The following CADPS2 variants were observed in gnomAD, a reference collection of about 807,000 sequenced individuals.
The protein encoded by CADPS2 is calcium dependent secretion activator 2.
Under a neutral mutation model 172.5 loss-of-function variants are expected in CADPS2, and 93 were observed. That is an observed-to-expected ratio of 0.54 (90% CI 0.46 to 0.64). CADPS2 has a LOEUF of 0.64. Among genes scored for constraint, CADPS2 ranks in the 30% least tolerant of loss-of-function variants. The probability of loss-of-function intolerance (pLI) is 0.00; values close to 1 mark genes in which losing one functional copy is unlikely to be tolerated. For synonymous variants in CADPS2, 546 were observed against 555.2 expected (o/e 0.98, Z 0.23); for missense variants, 1,420 against 1,565.9 (o/e 0.91, Z 1.57).
chr7:122,799,827 A>G (rs1797215840), intron 1 of CADPS2, among the ~76,000 whole-genome samples: 1 of 152,124 alleles, frequency 6.6e-6, no homozygotes, highest in South Asian at 2.1e-4. Context: ...AGTTTGTTCA[A>G]TGTCTCATAT....
At chr7:122,833,546 G>GTTTGT (rs1340915196) in intron 1 of CADPS2, among the ~76,000 whole-genome samples, 4 of 151,328 alleles carry the variant, frequency 2.6e-5, no homozygotes, top group African/African-American at 7.3e-5. Flanking sequence ...TTTTTTGTTT[G>GTTTGT]TTTGTTTTGT....
chr7:122,635,397 T>G, intron 3 of CADPS2, among the ~76,000 whole-genome samples: 1 of 151,958 alleles, frequency 6.6e-6, no homozygotes. Context: ...TCATTTAGCA[T>G]TAGGTATATC....
chr7:122,471,240 C>CA, intron 14 of CADPS2, 135 bp downstream of exon 14: 2 of 642,032 alleles, frequency 3.1e-6, no homozygotes, highest in Admixed American at 3.8e-5. Flanking sequence ...TTTTCTCTGT[C>CA]GTTTTTTTTT....
At position 122,640,312 on chromosome 7, in the gene CADPS2, T is replaced by C. The variant is rs573681561; in HGVS notation, c.787-10984A>G. On this transcript the variant is annotated intron_variant, in intron 3 of 29. Coordinates refer to ENST00000449022, the MANE Select transcript of CADPS2 (RefSeq NM_017954.11). ...TTCCCTCTTCTGCACCCCCTCTCTT[T>C]CTTTGGGTGTGTGTGTACATTACAG... Among the ~76,000 whole-genome samples the C allele has an allele frequency of 1.0e-3, 153 of 152,286 alleles. 1 individual carries two copies. Among genetic ancestry groups the C allele is most frequent in the African/African-American group, 3.5e-3 (145 of 41,552 alleles).
At chr7:122,541,825 ATATATTCATATG>A (rs2063082136) in intron 8 of CADPS2, among the ~76,000 whole-genome samples, 2 of 117,290 alleles carry the variant, frequency 1.7e-5, no homozygotes, top group Admixed American at 8.9e-5. Context: ...TCATATGTTT[ATATATTCATATG>A]TTTATATATT....
At chr7:122,863,184 A>T (rs1303839604) in intron 1 of CADPS2, among the ~76,000 whole-genome samples, 1 of 152,212 alleles carries the variant, frequency 6.6e-6, no homozygotes, top group Non-Finnish European at 1.5e-5. Context: ...AAAAGTTGCT[A>T]ACAAGAAAAG....
chr7:122,617,798 CT>C, intron 5 of CADPS2, among the ~76,000 whole-genome samples: 1 of 152,272 alleles, frequency 6.6e-6, no homozygotes, highest in East Asian at 1.9e-4. Context: ...AATCTCAGCA[CT>C]TTGGGAGGCC....
At chr7:122,448,311 A>G (rs2152015913) in intron 15 of CADPS2, among the ~76,000 whole-genome samples, 1 of 152,276 alleles carries the variant, frequency 6.6e-6, no homozygotes, top group Admixed American at 6.5e-5. Context: ...AGACTCGCTC[A>G]TCATCATGAG....
intron 1 of CADPS2, among the ~76,000 whole-genome samples, chr7:122,864,037 AT>A (rs1226735333): frequency 1.3e-5 from 2 of 152,186 alleles, no homozygotes; most frequent in African/African-American, 4.8e-5. Flanking sequence ...CTCAAAAAAA[AT>A]AATAAATAAA....
chr7:122,593,089 A>C (rs2071153423), intron 6 of CADPS2, among the ~76,000 whole-genome samples: 1 of 152,052 alleles, frequency 6.6e-6, no homozygotes, highest in Non-Finnish European at 1.5e-5. Context: ...TGCATGCAAT[A>C]CAGTGAGGAC....
intron 1 of CADPS2, among the ~76,000 whole-genome samples, chr7:122,871,792 T>C (rs1424167150): frequency 2.0e-5 from 3 of 152,150 alleles, no homozygotes; most frequent in Admixed American, 1.3e-4. Context: ...AGCTCTTTCA[T>C]TAGTTTCTGT....
At chr7:122,734,359 AAAAAAAAAAAAAAAAAAAAAAAAAAAAG>A (rs1235661162) in intron 2 of CADPS2, among the ~76,000 whole-genome samples, 1 of 81,400 alleles carries the variant, frequency 1.2e-5, no homozygotes, top group African/African-American at 4.0e-5. Flanking sequence ...GAAATAGTAA[AAAAAAAAAAAAAAAAAAAAAAAAAAAAG>A]AAAAAAAAAA....
chr7:122,736,384 C>G (rs1463152763), intron 2 of CADPS2, among the ~76,000 whole-genome samples: 3 of 152,122 alleles, frequency 2.0e-5, no homozygotes, highest in Non-Finnish European at 4.4e-5. Context: ...TCTAAACTAA[C>G]AGCTAGTGGC....
At chr7:122,752,116 T>A (rs2092977987) in intron 1 of CADPS2, among the ~76,000 whole-genome samples, 1 of 152,156 alleles carries the variant, frequency 6.6e-6, no homozygotes, top group Non-Finnish European at 1.5e-5. Flanking sequence ...TAATCTAGGA[T>A]GTGAATAAAT....
rs537071640 is a variant in CADPS2 at position 122,546,713 on chromosome 7, G to A, written c.1475+7837C>T. Among the ~76,000 whole-genome samples the A allele has an allele frequency of 1.1e-4, 16 of 152,210 alleles. No homozygotes were observed. The South Asian group carries it at 3.3e-3, about 32-fold the overall frequency. On this transcript the variant is annotated intron_variant, in intron 8 of 29. Transcript: ENST00000449022. ...AGTTTCATCCCGACTTTGGCCCACT[G>A]CCATGCTCTGACTCTGAAATCTTTG...
At chr7:122,599,316 G>C (rs2072385752) in intron 6 of CADPS2, among the ~76,000 whole-genome samples, 3 of 152,050 alleles carry the variant, frequency 2.0e-5, no homozygotes, top group African/African-American at 4.8e-5. Flanking sequence ...CCAAACCAGA[G>C]AGAGGCTCCT....
chr7:122,867,052 CCT>C (rs1315409479), intron 1 of CADPS2, among the ~76,000 whole-genome samples: 3 of 152,122 alleles, frequency 2.0e-5, no homozygotes, highest in Non-Finnish European at 4.4e-5. Flanking sequence ...ACTCTTTCCT[CCT>C]CTGTTTCCAA....
chr7:122,796,454 A>C (rs1204481366), intron 1 of CADPS2, among the ~76,000 whole-genome samples: 1 of 152,222 alleles, frequency 6.6e-6, no homozygotes, highest in Admixed American at 6.5e-5. Flanking sequence ...ACACTACCCA[A>C]CTTCAAACTA....
chr7:122,618,614 C>G (rs542294942), intron 5 of CADPS2, among the ~76,000 whole-genome samples: 1 of 152,270 alleles, frequency 6.6e-6, no homozygotes, highest in East Asian at 1.9e-4. Context: ...AAAGATTCCT[C>G]CACTGGACCA....
Sources: gnomAD v4.1 joint callset for allele counts (sites outside exome capture counted in the v4.1 genomes callset) on GRCh38, gnomAD v4.1.1 for gene constraint, MANE v1.5 for transcripts, NCBI Gene and HGNC (gene_info 2026-07-23, HGNC 2026-07-21) for gene names.